Variants in EFHD1 observed in about 807,000 individuals in gnomAD.
EFHD1 encodes the protein EF-hand domain family member D1.
A neutral mutation model predicts 17.2 loss-of-function variants in EFHD1; 10 were observed. The observed-to-expected ratio is 0.58, with a 90% CI of 0.36 to 0.99. The LOEUF (loss-of-function observed/expected upper bound fraction) is 0.99, where lower values mean the gene tolerates loss of function less well. Among genes scored for constraint, EFHD1 ranks in the 50% least tolerant of loss-of-function variants. The pLI is 0.01. For synonymous variants in EFHD1, 153 were observed against 142.0 expected, an observed-to-expected ratio of 1.08 and a Z score of -0.55; for missense variants, 310 against 327.5, an observed-to-expected ratio of 0.95 and a Z score of 0.41.
chr2:232,675,670 C>T (rs1473887479), intron 3 of EFHD1, among the ~76,000 whole-genome samples: 1 of 152,150 alleles, frequency 6.6e-6, no homozygotes, highest in African/African-American at 2.4e-5. Context: ...CCAGGACACA[C>T]TTGCCTGGGG....
At chr2:232,662,977 C>T (rs372610691) in intron 2 of EFHD1, 28 bp downstream of exon 2, 2 of 1,539,728 alleles carry the variant, frequency 1.3e-6, no homozygotes, top group East Asian at 2.5e-5. Flanking sequence ...CCCTGAGCCC[C>T]TGTGGGGTGC....
Position 232,646,436 on chromosome 2 carries a change from C to CTTTTTTTTTTT in EFHD1, c.302+12446_302+12456dup, listed in dbSNP as rs71398729. Among the ~76,000 whole-genome samples, 4 of 67,138 alleles carry CTTTTTTTTTTT rather than the reference C, an allele frequency of 6.0e-5. 1 individual carries two copies. The highest frequency in any genetic ancestry group is 1.1e-4 in the Non-Finnish European group (4 of 36,496). The allele number at this position is 67,138 out of a possible 152,430, so 44.0% of individuals were successfully genotyped here. On this transcript the variant is annotated intron_variant, in intron 1 of 3. Coordinates refer to ENST00000264059, the MANE Select transcript of EFHD1 (RefSeq NM_025202.4). ...TCTCTCTTTTCTCTTCTCTTCTCTT[C>CTTTTTTTTTTT]TTTTTTTTTTTTTTTTTTTTTTTTT...
chr2:232,676,180 A>T (rs994094803), intron 3 of EFHD1, among the ~76,000 whole-genome samples: 2 of 149,344 alleles, frequency 1.3e-5, no homozygotes, highest in Non-Finnish European at 3.0e-5. Flanking sequence ...GTCTCAAAGG[A>T]AAAAAAAAAG....
At chr2:232,642,931 C>T (rs1397731079) in intron 1 of EFHD1, among the ~76,000 whole-genome samples, 4 of 152,204 alleles carry the variant, frequency 2.6e-5, no homozygotes, top group Non-Finnish European at 4.4e-5. Context: ...CTGCCCCAAA[C>T]TCACTAATGA....
At chr2:232,648,792 G>C (rs1465819112) in intron 1 of EFHD1, among the ~76,000 whole-genome samples, 1 of 152,150 alleles carries the variant, frequency 6.6e-6, no homozygotes, top group Non-Finnish European at 1.5e-5. Flanking sequence ...GCTCTGGTCT[G>C]GGGACCTCAC....
intron 1 of EFHD1, among the ~76,000 whole-genome samples, chr2:232,652,026 G>T (rs894494047): frequency 2.6e-5 from 4 of 152,276 alleles, no homozygotes; most frequent in Admixed American, 2.0e-4. Flanking sequence ...ATGATCTTGG[G>T]CTGATCCACC....
At chr2:232,678,923 G>C (rs1695226118) in intron 3 of EFHD1, among the ~76,000 whole-genome samples, 1 of 152,218 alleles carries the variant, frequency 6.6e-6, no homozygotes, top group South Asian at 2.1e-4. Context: ...ATAAAGTCAA[G>C]TCCCTACTTT....
At chr2:232,651,552 G>T (rs1694654233) in intron 1 of EFHD1, among the ~76,000 whole-genome samples, 3 of 152,214 alleles carry the variant, frequency 2.0e-5, no homozygotes, top group Non-Finnish European at 4.4e-5. Context: ...TACCTGGGAG[G>T]CTGAGCCCCT....
At chr2:232,610,012 C>G (rs1028908619) in intron 1 of EFHD1, among the ~76,000 whole-genome samples, 1 of 152,182 alleles carries the variant, frequency 6.6e-6, no homozygotes, top group Non-Finnish European at 1.5e-5. Context: ...CTTCTCCAAC[C>G]CTCACACATG....
chr2:232,667,493 C>T (rs987109028), intron 2 of EFHD1, among the ~76,000 whole-genome samples: 8 of 151,998 alleles, frequency 5.3e-5, no homozygotes, highest in African/African-American at 1.9e-4. Context: ...CACTGTGTCT[C>T]GTCCTTGGGT....
At chr2:232,641,995 C>G (rs1694441049) in intron 1 of EFHD1, among the ~76,000 whole-genome samples, 2 of 152,154 alleles carry the variant, frequency 1.3e-5, no homozygotes, top group African/African-American at 4.8e-5. Flanking sequence ...GCTGGAGCCC[C>G]GGGGTAACAC....
chr2:232,608,442 A>T (rs539679412), intron 1 of EFHD1, among the ~76,000 whole-genome samples: 354 of 152,316 alleles, frequency 2.3e-3, no homozygotes, highest in Non-Finnish European at 3.7e-3. Context: ...TACTTATAAT[A>T]CCTAATACAA....
intron 1 of EFHD1, among the ~76,000 whole-genome samples, chr2:232,638,680 A>G (rs1694366464): frequency 6.6e-6 from 1 of 152,222 alleles, no homozygotes; most frequent in South Asian, 2.1e-4. Flanking sequence ...GCATACTGGC[A>G]TCCTGATCTT....
At chr2:232,645,609 C>G (rs539112825) in intron 1 of EFHD1, among the ~76,000 whole-genome samples, 10 of 152,196 alleles carry the variant, frequency 6.6e-5, no homozygotes, top group Non-Finnish European at 1.5e-4. Flanking sequence ...TGCCTCCTCT[C>G]TAAATGCGTC....
chr2:232,662,597 G>C (rs868465688), intron 1 of EFHD1: 5 of 520,522 alleles, frequency 9.6e-6, no homozygotes, highest in Non-Finnish European at 1.3e-5. Context: ...AAACCAACAG[G>C]TAGTACAAGA....
At chr2:232,634,206 A>T (rs1158164548) in intron 1 of EFHD1, among the ~76,000 whole-genome samples, 200 bp downstream of exon 1, 2 of 151,824 alleles carry the variant, frequency 1.3e-5, no homozygotes, top group Non-Finnish European at 2.9e-5. Context: ...GGACACCAGG[A>T]GCAGGAGCTC....
At chr2:232,607,897 C>A (rs1396204691) in intron 1 of EFHD1, among the ~76,000 whole-genome samples, 35 of 146,270 alleles carry the variant, frequency 2.4e-4, no homozygotes, top group Non-Finnish European at 2.4e-4. Flanking sequence ...AGTTCTAGAC[C>A]AGCCTGGGCA....
At chr2:232,639,098 A>G (rs754583605) in intron 1 of EFHD1, among the ~76,000 whole-genome samples, 10 of 152,124 alleles carry the variant, frequency 6.6e-5, no homozygotes, top group Non-Finnish European at 1.2e-4. Flanking sequence ...TGGTGGGTTT[A>G]TCTTTGTAGG....
At chr2:232,666,372 G>A (rs1237808682) in intron 2 of EFHD1, among the ~76,000 whole-genome samples, 3 of 152,236 alleles carry the variant, frequency 2.0e-5, no homozygotes, top group African/African-American at 7.2e-5. Context: ...GCTCTTTCCA[G>A]CCCGAATACC....
Sources: allele counts gnomAD v4.1 joint callset (sites outside exome capture counted in the v4.1 genomes callset), GRCh38; gene constraint gnomAD v4.1.1; transcripts MANE v1.5; gene names NCBI Gene and HGNC (gene_info 2026-07-23, HGNC 2026-07-21).